SAMD3: variants seen among roughly 807,000 people sequenced by gnomAD.
SAMD3 encodes sterile alpha motif domain containing 3, also known as sterile alpha motif domain-containing protein 3.
Under a neutral mutation model 58.5 loss-of-function variants are expected in SAMD3, and 63 were observed. The ratio of observed to expected loss-of-function variants is 1.08; its 90% CI spans 0.88 to 1.33. The LOEUF (loss-of-function observed/expected upper bound fraction) is 1.33, where lower values mean the gene tolerates loss of function less well. SAMD3 is among the 40% of genes most tolerant of loss of function. The probability of loss-of-function intolerance (pLI) is 0.00; values close to 1 mark genes in which losing one functional copy is unlikely to be tolerated. For synonymous variants in SAMD3, 220 were observed against 210.3 expected (o/e 1.05, Z -0.40); for missense variants, 604 against 608.4 (o/e 0.99, Z 0.08).
intron 1 of SAMD3, among the ~76,000 whole-genome samples, chr6:130,352,833 CTTATA>C (rs1777719516): frequency 6.6e-6 from 1 of 152,056 alleles, no homozygotes; most frequent in African/African-American, 2.4e-5. Context: ...TCTCAGAGCT[CTTATA>C]TTAATGAGCT....
intron 2 of SAMD3, among the ~76,000 whole-genome samples, chr6:130,287,156 G>C (rs1371207598): frequency 6.6e-6 from 1 of 152,070 alleles, no homozygotes; most frequent in African/African-American, 2.4e-5. Context: ...TATGTACTTT[G>C]CTGTAATGAT....
chr6:130,299,689 A>T (rs1437457739), intron 2 of SAMD3, among the ~76,000 whole-genome samples: 1 of 152,174 alleles, frequency 6.6e-6, no homozygotes, highest in African/African-American at 2.4e-5. Context: ...TTTTGAAAGG[A>T]TAAACAAAAT....
At chr6:130,299,909 G>A (rs1583069119) in intron 2 of SAMD3, among the ~76,000 whole-genome samples, 1 of 152,100 alleles carries the variant, frequency 6.6e-6, no homozygotes, top group African/African-American at 2.4e-5. Flanking sequence ...AGTGAACCAG[G>A]AAGAAATTGA....
chr6:130,170,753 T>A (rs926253655), intron 8 of SAMD3, among the ~76,000 whole-genome samples: 1 of 152,192 alleles, frequency 6.6e-6, no homozygotes, highest in East Asian at 1.9e-4. Flanking sequence ...TGTCTATTAT[T>A]GGTGTATAGG....
chr6:130,149,217 A>T (rs1788911818), intron 9 of SAMD3, among the ~76,000 whole-genome samples: 1 of 152,188 alleles, frequency 6.6e-6, no homozygotes, highest in African/African-American at 2.4e-5. Context: ...TGTGTAGCCA[A>T]GCTCCCAGCT....
chr6:130,279,224 A>T (rs1020941710), intron 2 of SAMD3, among the ~76,000 whole-genome samples: 8 of 152,140 alleles, frequency 5.3e-5, no homozygotes, highest in African/African-American at 1.9e-4. Flanking sequence ...ACTAAATATC[A>T]TCTTAAATTG....
At chr6:130,143,352 TCTC>T (rs1788372994), downstream of SAMD3, 1 of 152,434 alleles carries the variant, frequency 6.6e-6, no homozygotes, top group Non-Finnish European at 1.5e-5. Flanking sequence ...TTCAAGCAGT[TCTC>T]CTGCCTCAGC....
At chr6:130,287,770 C>T (rs1413346514) in intron 2 of SAMD3, among the ~76,000 whole-genome samples, 1 of 152,080 alleles carries the variant, frequency 6.6e-6, no homozygotes, top group Non-Finnish European at 1.5e-5. Flanking sequence ...ATAGTGAAAC[C>T]TTGTCTCTAC....
intron 2 of SAMD3, among the ~76,000 whole-genome samples, chr6:130,299,840 CA>C (rs1407039822): frequency 6.6e-6 from 1 of 152,110 alleles, no homozygotes; most frequent in Non-Finnish European, 1.5e-5. Context: ...CATCTCTGTG[CA>C]CACACTAGAA....
intron 1 of SAMD3, among the ~76,000 whole-genome samples, chr6:130,357,281 C>G (rs192643363): frequency 0.018 from 2,795 of 152,032 alleles, 26 homozygotes; most frequent in Non-Finnish European, 0.027. Context: ...CCCACCACCA[C>G]GCCAGGCTAA....
rs534540291 is a variant in SAMD3 at position 130,187,457 on chromosome 6, T to C, written c.384-2834A>G. On this transcript the variant is annotated intron_variant, in intron 5 of 11. Transcript: ENST00000439090. Reference sequence around the variant, plus strand: ...GAGGTATTAGGAAAGATCAGAAGCATCAAATTTTCATTTTCTTTACATTAA... The same window carrying C: ...GAGGTATTAGGAAAGATCAGAAGCACCAAATTTTCATTTTCTTTACATTAA... 1.4e-4 allele frequency among the ~76,000 whole-genome samples: 21 copies of C among 152,284 alleles called. No individual in the cohort carries two copies. In the East Asian group the frequency reaches 4.0e-3, roughly 29 times the overall value.
At chr6:130,218,910 G>T (rs376387026) in intron 1 of SAMD3, among the ~76,000 whole-genome samples, 42 of 152,324 alleles carry the variant, frequency 2.8e-4, no homozygotes, top group African/African-American at 8.9e-4. Context: ...AGGGTCTGAA[G>T]ATCGCAGAAA....
intron 1 of SAMD3, chr6:130,221,852 T>C (rs777906870): frequency 5.9e-5 from 9 of 151,664 alleles, no homozygotes; most frequent in Non-Finnish European, 1.0e-4. Context: ...AATACACCAA[T>C]AGAAAAAAAT....
intron 5 of SAMD3, among the ~76,000 whole-genome samples, chr6:130,186,453 T>C (rs2114717370): frequency 6.6e-6 from 1 of 152,312 alleles, no homozygotes; most frequent in Non-Finnish European, 1.5e-5. Flanking sequence ...GGCGAAATTA[T>C]GTCCTGGCTA....
At chr6:130,277,845 TG>T (rs1774835312) in intron 2 of SAMD3, among the ~76,000 whole-genome samples, 1 of 152,200 alleles carries the variant, frequency 6.6e-6, no homozygotes, top group Admixed American at 6.5e-5. Flanking sequence ...TGTTCATTCC[TG>T]GGTGTAGGGT....
At chr6:130,203,131 C>T (rs1277221259) in intron 5 of SAMD3, among the ~76,000 whole-genome samples, 6 of 152,188 alleles carry the variant, frequency 3.9e-5, no homozygotes, top group Non-Finnish European at 8.8e-5. Flanking sequence ...GGCCTACCTG[C>T]ACTTCCTAGA....
At chr6:130,210,183 C>G (rs1795409506) in intron 4 of SAMD3, among the ~76,000 whole-genome samples, 1 of 152,174 alleles carries the variant, frequency 6.6e-6, no homozygotes, top group South Asian at 2.1e-4. Flanking sequence ...CCAGTTTCAA[C>G]AAGAACAACA....
intron 8 of SAMD3, among the ~76,000 whole-genome samples, chr6:130,168,840 T>G (rs117932913): frequency 6.6e-6 from 1 of 152,328 alleles, no homozygotes; most frequent in East Asian, 1.9e-4. Context: ...TCTGGCTCTG[T>G]CACCCAGGCT....
intron 5 of SAMD3, among the ~76,000 whole-genome samples, chr6:130,192,146 T>C (rs1290819497): frequency 6.6e-6 from 1 of 152,224 alleles, no homozygotes. Context: ...CTGTCTTGAT[T>C]TTCCTACGTC....
Sources: gnomAD v4.1 joint callset for allele counts (sites outside exome capture counted in the v4.1 genomes callset) on GRCh38, gnomAD v4.1.1 for gene constraint, MANE v1.5 for transcripts, NCBI Gene and HGNC (gene_info 2026-07-23, HGNC 2026-07-21) for gene names.